The following DOCK5 variants were observed in gnomAD, a reference collection of about 807,000 sequenced individuals.
DOCK5 encodes the protein dedicator of cytokinesis protein 5.
Under a neutral mutation model 251.8 loss-of-function variants are expected in DOCK5, and 142 were observed. The observed-to-expected ratio is 0.56, with a 90% CI of 0.49 to 0.65. The LOEUF (loss-of-function observed/expected upper bound fraction) is 0.65. Among genes scored for constraint, DOCK5 ranks in the 30% least tolerant of loss-of-function variants. The pLI is 0.00. For missense variants in DOCK5, 2,111 were observed against 2,312.3 expected, an observed-to-expected ratio of 0.91 and a Z score of 1.79; for synonymous variants, 842 against 835.5, an observed-to-expected ratio of 1.01 and a Z score of -0.13.
chr8:25,342,885 T>G (rs1468500903), intron 25 of DOCK5, among the ~76,000 whole-genome samples: 1 of 151,230 alleles, frequency 6.6e-6, no homozygotes, highest in East Asian at 2.0e-4. Context: ...ATTTTTATTT[T>G]TAGTAAAGAC....
chr8:25,392,056 C>A, intron 43 of DOCK5, 76 bp downstream of exon 43: 4 of 1,382,394 alleles, frequency 2.9e-6, no homozygotes, highest in Non-Finnish European at 4.0e-6. Flanking sequence ...GTAATCCCAG[C>A]ATTCTGGGAG....
intron 44 of DOCK5, among the ~76,000 whole-genome samples, chr8:25,393,176 T>C (rs1801290591): frequency 1.3e-5 from 2 of 152,208 alleles, no homozygotes; most frequent in Non-Finnish European, 2.9e-5. Context: ...AATGCTGCTT[T>C]GGAGTTTCTT....
At chr8:25,305,486 G>C (rs1255557709) in intron 11 of DOCK5, among the ~76,000 whole-genome samples, 1 of 151,932 alleles carries the variant, frequency 6.6e-6, no homozygotes, top group East Asian at 1.9e-4. Flanking sequence ...CCGTTTTAAA[G>C]ATTCAGCCAA....
chr8:25,195,132 T>C (rs1166105163), intron 1 of DOCK5, among the ~76,000 whole-genome samples: 1 of 151,860 alleles, frequency 6.6e-6, no homozygotes. Flanking sequence ...TGTTGACCAG[T>C]CTGATCTTGA....
At chr8:25,404,887 TCTTA>T (rs1411502988) in intron 48 of DOCK5, among the ~76,000 whole-genome samples, 2 of 152,166 alleles carry the variant, frequency 1.3e-5, no homozygotes, top group South Asian at 4.1e-4. Context: ...CAAACTGTAC[TCTTA>T]GTCTTTTTAA....
chr8:25,247,221 T>C (rs1230230710), intron 2 of DOCK5, among the ~76,000 whole-genome samples: 1 of 152,138 alleles, frequency 6.6e-6, no homozygotes, highest in African/African-American at 2.4e-5. Flanking sequence ...TTCTTCAAAT[T>C]TTTTTTCATT....
intron 1 of DOCK5, among the ~76,000 whole-genome samples, chr8:25,224,984 A>G (rs1451985457): frequency 6.6e-6 from 1 of 152,234 alleles, no homozygotes; most frequent in Non-Finnish European, 1.5e-5. Flanking sequence ...GAGCATATGA[A>G]AAGATTCTCA....
At chr8:25,208,294 C>T (rs1330501841) in intron 1 of DOCK5, among the ~76,000 whole-genome samples, 1 of 152,166 alleles carries the variant, frequency 6.6e-6, no homozygotes, top group African/African-American at 2.4e-5. Flanking sequence ...GTTGACAAAG[C>T]AGTGGAAAGG....
At chr8:25,334,323 A>T in intron 21 of DOCK5, 127 bp downstream of exon 21, 1 of 744,006 alleles carries the variant, frequency 1.3e-6, no homozygotes, top group Non-Finnish European at 2.3e-6. Context: ...CAGAACTCTT[A>T]TTCTAAGCTT....
rs1802583596 is a variant in DOCK5, at chr8:25,228,383, G to T, written c.44-15291G>T. On this transcript the variant is annotated intron_variant, in intron 1 of 51. Transcript: ENST00000276440. ...TGGGAGGGTTCTTGGCTTCACTTAG[G>T]ATGGAGTTCAAGGGTGAGCCAGTGG... Among the ~76,000 whole-genome samples, 7 of 152,312 alleles carry T rather than the reference G, an allele frequency of 4.6e-5. No individual in the cohort carries two copies. The South Asian group carries it at 1.2e-3, about 27-fold the overall frequency.
chr8:25,252,842 ATT>A (rs1367614251), intron 2 of DOCK5, among the ~76,000 whole-genome samples: 7 of 152,078 alleles, frequency 4.6e-5, no homozygotes, highest in Non-Finnish European at 7.4e-5. Flanking sequence ...ATCTTTATTT[ATT>A]TTTTTGAGAC....
chr8:25,392,898 T>C lies in DOCK5; in HGVS notation c.4527+16T>C. On this transcript the variant is annotated intron_variant, in intron 44 of 51. Transcript: ENST00000276440. ...GATTTCAACAGTGAGTCATTTGAAA[T>C]TGGCATTTAGAAAAAAACTTTCTGT... The C allele has an allele frequency of 1.3e-6, 2 of 1,594,416 alleles. No individual in the cohort carries two copies. Among genetic ancestry groups the C allele is most frequent in the Non-Finnish European group, 1.7e-6 (2 of 1,167,744 alleles).
intron 49 of DOCK5, 118 bp downstream of exon 49, chr8:25,408,272 CA>C: frequency 8.8e-7 from 1 of 1,141,104 alleles, no homozygotes; most frequent in Non-Finnish European, 1.2e-6. Context: ...TTTCAGGACT[CA>C]GCAGCCTGGG....
chr8:25,384,294 G>T (rs1448619818), intron 40 of DOCK5, among the ~76,000 whole-genome samples: 1 of 152,162 alleles, frequency 6.6e-6, no homozygotes, highest in Non-Finnish European at 1.5e-5. Flanking sequence ...CTGCAGAAGG[G>T]CCTGGGGAAA....
rs771212936 is a variant in DOCK5 at position 25,369,557 on chromosome 8, T to G, written c.3440T>G (p.Phe1147Cys). 11 of 1,608,140 alleles carry G rather than the reference T, an allele frequency of 6.8e-6. No individual in the cohort carries two copies. The highest frequency in any genetic ancestry group is 1.3e-5 in the African/African-American group (1 of 74,782). The change falls in exon 34 of 52, where the codon TTT becomes TGT. Residue 1147 changes from phenylalanine to cysteine, a missense_variant and splice_region_variant. Physicochemically the swap from Phe to Cys is radical, Grantham distance 205. Transcript: ENST00000276440. ...GTGAAATTCTGCCTCTACTTTCAGT[T>G]TGAGAATGAGCTGATCACAAAGCTG... ...NFSGNGNFHMFENELITKLDQ... is the reference protein window; with the variant it reads ...NFSGNGNFHMCENELITKLDQ...
chr8:25,351,953 G>T, intron 27 of DOCK5, 127 bp downstream of exon 27: 1 of 664,152 alleles, frequency 1.5e-6, no homozygotes, highest in South Asian at 1.8e-5. Context: ...ATGGGTCATT[G>T]GTTATAACCT....
chr8:25,271,253 A>T (rs1419635734), intron 3 of DOCK5: 1 of 158,518 alleles, frequency 6.3e-6, no homozygotes, highest in Admixed American at 6.5e-5. Flanking sequence ...TTTCGGTAAG[A>T]GTTTCTCTTT....
chr8:25,386,675 G>T (rs1367812168), intron 40 of DOCK5, among the ~76,000 whole-genome samples: 1 of 151,966 alleles, frequency 6.6e-6, no homozygotes, highest in Non-Finnish European at 1.5e-5. Context: ...TTCAATCCAG[G>T]TCAACATAAA....
At chr8:25,316,898 T>C (rs974586154) in intron 13 of DOCK5, 109 bp from the exon 14 acceptor site, 1 of 1,398,304 alleles carries the variant, frequency 7.2e-7, no homozygotes, top group Non-Finnish European at 9.7e-7. Flanking sequence ...AGTAGTTCAG[T>C]ATAAAACCAG....
Sources: allele counts gnomAD v4.1 joint callset (sites outside exome capture counted in the v4.1 genomes callset), GRCh38; gene constraint gnomAD v4.1.1; transcripts MANE v1.5; gene names NCBI Gene and HGNC (gene_info 2026-07-23, HGNC 2026-07-21).